Variants in HTATIP2 observed in about 807,000 individuals in gnomAD.
The protein encoded by HTATIP2 is protein HTATIP2.
Under a neutral mutation model 24.7 loss-of-function variants are expected in HTATIP2, and 26 were observed. That is an observed-to-expected ratio of 1.05 (90% CI 0.77 to 1.46). The LOEUF (loss-of-function observed/expected upper bound fraction) is 1.46, where lower values mean the gene tolerates loss of function less well. Among genes scored for constraint, HTATIP2 ranks in the 40% most tolerant of loss-of-function variants. The probability of loss-of-function intolerance (pLI) is 0.00; values close to 1 mark genes in which losing one functional copy is unlikely to be tolerated. For missense variants in HTATIP2, 284 were observed against 289.6 expected (o/e 0.98, Z 0.14); for synonymous variants, 99 against 113.2 (o/e 0.87, Z 0.79).
chr11:20,382,866 C>T lies in HTATIP2; in HGVS notation c.504-114C>T, dbSNP rs1848540841. The stretch of plus-strand genomic sequence containing the variant: ...ATAGACACCTTGGGGATTAGGGCTT[C>T]AACATTAGAATATTGAGGGGATACA... On this transcript the variant is annotated intron_variant, in intron 4 of 4. Transcript: ENST00000451739. 55 of 732,144 alleles carry T rather than the reference C, an allele frequency of 7.5e-5. No homozygotes were observed. The South Asian group carries it at 1.0e-3, about 13-fold the overall frequency. 45.4% of individuals were successfully genotyped at this position (732,144 alleles called of 1,614,324 possible).
At position 20,364,315 on chromosome 11, in the gene HTATIP2, C is replaced by T. The variant is rs754617086; in HGVS notation, c.78C>T (p.Ala26=). 5.0e-6 allele frequency: 8 copies of T among 1,613,850 alleles called. No individual in the cohort carries two copies. Among genetic ancestry groups the T allele is most frequent in the Non-Finnish European group, 6.8e-6 (8 of 1,179,810 alleles). ...ATAAATCCGTCTTTATTTTGGGCGC[C>T]AGCGGAGAAACCGGCAGAGTGCTCT... ...MQNKSVFILG[A]SGETGRVLLK... The change falls in exon 1 of 5, where the codon GCC becomes GCT. Residue 26 remains alanine (A), a synonymous_variant. Coordinates refer to ENST00000451739, the MANE Select transcript of HTATIP2 (RefSeq NM_001098522.2).
chr11:20,380,521 A>C (rs59146187), intron 3 of HTATIP2, among the ~76,000 whole-genome samples: 13,360 of 152,030 alleles, frequency 0.088, 771 homozygotes, highest in Admixed American at 0.17. Context: ...AAATACAAAA[A>C]ATTAGCCGGG....
intron 2 of HTATIP2, 145 bp downstream of exon 2, chr11:20,367,426 C>A: frequency 6.5e-7 from 1 of 1,534,508 alleles, no homozygotes; most frequent in Non-Finnish European, 8.8e-7. Flanking sequence ...GCTGCACTAA[C>A]CTTTGGTATC....
intron 2 of HTATIP2, among the ~76,000 whole-genome samples, chr11:20,374,633 A>G (rs1462806476): frequency 6.6e-6 from 1 of 152,158 alleles, no homozygotes; most frequent in Non-Finnish European, 1.5e-5. Flanking sequence ...TTGTGATTAC[A>G]TTGGGCCCAC....
intron 2 of HTATIP2, among the ~76,000 whole-genome samples, chr11:20,375,040 A>G (rs1407694016): frequency 6.6e-6 from 1 of 152,112 alleles, no homozygotes; most frequent in African/African-American, 2.4e-5. Context: ...AAAAAGGAAC[A>G]TGGGTACAGT....
At chr11:20,366,039 A>C (rs543506625) in intron 1 of HTATIP2, among the ~76,000 whole-genome samples, 30 of 149,168 alleles carry the variant, frequency 2.0e-4, no homozygotes, top group Non-Finnish European at 3.0e-4. Context: ...TTTTGGTGGC[A>C]CATCTGTTTG....
chr11:20,369,351 C>T (rs1027281556), intron 2 of HTATIP2, among the ~76,000 whole-genome samples: 2 of 152,200 alleles, frequency 1.3e-5, no homozygotes, highest in Admixed American at 1.3e-4. Context: ...CATATATTGC[C>T]TTAGCAGTCT....
Position 20,363,946 on chromosome 11 carries a change from A to T in HTATIP2, c.-292A>T. 1 of 1,243,980 alleles carries T rather than the reference A, an allele frequency of 8.0e-7. No homozygotes were observed. Among genetic ancestry groups the T allele is most frequent in the Non-Finnish European group, 1.0e-6 (1 of 991,428 alleles). The allele number at this position is 1,243,980 out of a possible 1,614,324, so 77.1% of individuals were successfully genotyped here. A position where few individuals can be genotyped will look rare whatever the true frequency, so the allele number is the denominator to read the frequency against. ...TCCGCGTATGGGACCGAGCTGGGCC[A>T]GGTCTCCTGGCCGGGCCGGGGATAC... is the stretch of plus-strand genomic sequence containing the variant. On this transcript the variant is annotated 5_prime_UTR_variant, in exon 1 of 5. Coordinates refer to ENST00000451739, the MANE Select transcript of HTATIP2 (RefSeq NM_001098522.2).
intron 1 of HTATIP2, among the ~76,000 whole-genome samples, chr11:20,364,888 G>A (rs1461442371): frequency 6.6e-6 from 1 of 152,130 alleles, no homozygotes; most frequent in African/African-American, 2.4e-5. Context: ...CTATGGCAGT[G>A]AAAGGTGGGA....
chr11:20,367,531 A>T, intron 2 of HTATIP2: 1 of 1,431,874 alleles, frequency 7.0e-7, no homozygotes, highest in Non-Finnish European at 9.1e-7. Flanking sequence ...GATTTTGCCT[A>T]TTGTGATTAT....
chr11:20,369,501 A>G (rs978110538), intron 2 of HTATIP2, among the ~76,000 whole-genome samples: 3 of 152,224 alleles, frequency 2.0e-5, no homozygotes, highest in Non-Finnish European at 4.4e-5. Context: ...CTTGAACAAC[A>G]GAAACGTATT....
Position 20,367,284 on chromosome 11 carries a change from A to G in HTATIP2, c.303+3A>G. On this transcript the variant is annotated splice_donor_region_variant and intron_variant, in intron 2 of 4. Coordinates refer to ENST00000451739, the MANE Select transcript of HTATIP2 (RefSeq NM_001098522.2). ...CCACCAGAGGGAAAGCTGGGGCGGTAAGGAAGGCATATGCTCTTTTCCCTT... is the reference window on the plus strand; with the variant it reads ...CCACCAGAGGGAAAGCTGGGGCGGTGAGGAAGGCATATGCTCTTTTCCCTT... 1 of 1,613,952 alleles carries G rather than the reference A, an allele frequency of 6.2e-7. No individual in the cohort carries two copies. Among genetic ancestry groups the G allele is most frequent in the Non-Finnish European group, 8.5e-7 (1 of 1,180,010 alleles).
intron 2 of HTATIP2, among the ~76,000 whole-genome samples, chr11:20,373,499 G>A (rs563023055): frequency 6.6e-6 from 1 of 152,254 alleles, no homozygotes; most frequent in South Asian, 2.1e-4. Flanking sequence ...GCGTCGGTCA[G>A]GAGACTTGTG....
intron 2 of HTATIP2, among the ~76,000 whole-genome samples, chr11:20,375,276 A>T (rs1335233877): frequency 1.3e-5 from 2 of 148,310 alleles, no homozygotes; most frequent in Admixed American, 1.3e-4. Flanking sequence ...TTTTTTAATT[A>T]AAAAAAAAAA....
In HTATIP2 at chr11:20,376,525, C is replaced by G. The variant is rs1848449058; in HGVS notation, c.304-55C>G. On this transcript the variant is annotated intron_variant, in intron 2 of 4. Transcript: ENST00000451739. ...CCTGCTACCCAAGCCAAGTAGTAATCTTTAAGATGAACTTGCTGCTTTTTG... is the reference window on the plus strand; with the variant it reads ...CCTGCTACCCAAGCCAAGTAGTAATGTTTAAGATGAACTTGCTGCTTTTTG... The G allele has an allele frequency of 3.7e-6, 6 of 1,606,004 alleles. No homozygotes were observed. In the South Asian group the frequency reaches 5.5e-5, roughly 15 times the overall value.
rs189400586 is a variant in HTATIP2, at chr11:20,371,287, T to G, written c.303+4006T>G. On this transcript the variant is annotated intron_variant, in intron 2 of 4. Transcript: ENST00000451739. Reference sequence around the variant, plus strand: ...TTCAAGGGACCCAGATCACAGGCCCTGTTTGGTTGCCAAGTAGCTATGGAG... The same window carrying G: ...TTCAAGGGACCCAGATCACAGGCCCGGTTTGGTTGCCAAGTAGCTATGGAG... 4.8e-3 allele frequency among the ~76,000 whole-genome samples: 738 copies of G among 152,334 alleles called. 3 individuals are homozygous for G. Among genetic ancestry groups the G allele is most frequent in the Admixed American group, 7.8e-3 (120 of 15,312 alleles).
chr11:20,377,237 C>T (rs1465455895), intron 3 of HTATIP2, among the ~76,000 whole-genome samples: 2 of 151,658 alleles, frequency 1.3e-5, no homozygotes, highest in Admixed American at 6.6e-5. Context: ...CATGAGCCAC[C>T]ATGCCTGGCT....
At chr11:20,371,607 T>A (rs2064772975) in intron 2 of HTATIP2, among the ~76,000 whole-genome samples, 1 of 122,562 alleles carries the variant, frequency 8.2e-6, no homozygotes, top group Non-Finnish European at 1.7e-5. Context: ...AATTTTTGTA[T>A]TTTTTTTTGT....
intron 1 of HTATIP2, among the ~76,000 whole-genome samples, 178 bp downstream of exon 1, chr11:20,364,610 C>G (rs2064675776): frequency 6.6e-6 from 1 of 152,118 alleles, no homozygotes; most frequent in Non-Finnish European, 1.5e-5. Flanking sequence ...GATTGTAGCC[C>G]AGGTGTGCCT....
Sources: allele counts gnomAD v4.1 joint callset (sites outside exome capture counted in the v4.1 genomes callset), GRCh38; gene constraint gnomAD v4.1.1; transcripts MANE v1.5; gene names NCBI Gene and HGNC (gene_info 2026-07-23, HGNC 2026-07-21).